AP1M1: variants seen among roughly 807,000 people sequenced by gnomAD.
AP1M1 encodes AP-1 complex subunit mu-1.
AP1M1 carries 18 observed loss-of-function variants against 57.1 expected under a neutral mutation model. The observed-to-expected ratio is 0.32, with a 90% CI of 0.22 to 0.47. The LOEUF (loss-of-function observed/expected upper bound fraction) is 0.47, where lower values mean the gene tolerates loss of function less well. AP1M1 is among the 20% of genes least tolerant of loss of function. The pLI, the probability that AP1M1 is intolerant of heterozygous loss-of-function variation, is 1.00. For missense variants in AP1M1, 362 were observed against 593.5 expected, an observed-to-expected ratio of 0.61 and a Z score of 4.05; for synonymous variants, 241 against 237.9, an observed-to-expected ratio of 1.01 and a Z score of -0.12.
rs1288081698 is a variant in AP1M1 at position 16,239,280 on chromosome 19, A to T, written c.*4845A>T. ...TTTTTTTTTTTTTTTTTTTTTTTTT[A>T]AGACTGCAAAGCTGGGCATGGTAGT... On this transcript the variant is annotated 3_prime_UTR_variant, in exon 12 of 12. Transcript: ENST00000291439. The T allele has an allele frequency of 1.7e-5, 1 of 58,998 alleles. No homozygotes were observed. Among genetic ancestry groups the T allele is most frequent in the African/African-American group, 7.9e-5 (1 of 12,722 alleles). The allele number at this position is 58,998 out of a possible 1,614,324, so 3.7% of individuals were successfully genotyped here. A position where few individuals can be genotyped will look rare whatever the true frequency, so the allele number is the denominator to read the frequency against.
chr19:16,205,027 G>T (rs1568347809), intron 2 of AP1M1, among the ~76,000 whole-genome samples: 1 of 152,042 alleles, frequency 6.6e-6, no homozygotes, highest in Non-Finnish European at 1.5e-5. Context: ...TAGAGACAGG[G>T]TTTCACCATG....
chr19:16,199,222 G>C (rs2091437448), intron 1 of AP1M1, among the ~76,000 whole-genome samples: 1 of 152,174 alleles, frequency 6.6e-6, no homozygotes, highest in South Asian at 2.1e-4. Context: ...GTGTTATACA[G>C]ACAGTCAGCC....
At chr19:16,221,940 C>G (rs1475211331) in intron 5 of AP1M1, among the ~76,000 whole-genome samples, 3 of 152,182 alleles carry the variant, frequency 2.0e-5, no homozygotes, top group Non-Finnish European at 2.9e-5. Context: ...CCTGCCTCAG[C>G]CTCCCAAAGT....
chr19:16,218,296 G>A lies in AP1M1; in HGVS notation c.547-8125G>A, dbSNP rs116184601. Among the ~76,000 whole-genome samples, 904 of 152,274 alleles carry A rather than the reference G, an allele frequency of 5.9e-3. 18 individuals carry two copies. Among genetic ancestry groups the A allele is most frequent in the African/African-American group, 0.02 (830 of 41,554 alleles). The stretch of plus-strand genomic sequence containing the variant: ...CCTGGCTGAAACCAAGAACCCTCCC[G>A]GGCTGTCTCAGTTTTGGGGCTCGCC... On this transcript the variant is annotated intron_variant, in intron 5 of 11. Transcript: ENST00000291439.
In AP1M1 at chr19:16,228,899, G is replaced by A. The variant is rs1237111697; in HGVS notation, c.1018G>A (p.Glu340Lys). The A allele has an allele frequency of 2.5e-6, 4 of 1,614,130 alleles. No homozygotes were observed. The highest frequency in any genetic ancestry group is 2.2e-5 in the East Asian group (1 of 44,862). Residue 340 changes from glutamate to lysine, a missense_variant, in exon 9 of 12, where the codon GAG becomes AAG. Coordinates refer to ENST00000291439, the MANE Select transcript of AP1M1 (RefSeq NM_032493.4). This position sits in a 1 kb window ranked among gnomAD's most constrained non-coding sequence, Gnocchi z 5.0. Reference protein sequence around the residue: ...GSVKWVPENSEIVWSIKSFPG... With the variant: ...GSVKWVPENSKIVWSIKSFPG... ...CGTTAAGTGGGTCCCCGAGAACAGC[G>A]AGATCGTGTGGTCCATCAAGTCCTT... is the stretch of plus-strand genomic sequence containing the variant.
chr19:16,206,529 G>A lies in AP1M1; in HGVS notation c.267+121G>A. 9.9e-7 allele frequency: 1 copy of A among 1,012,180 alleles called. No individual in the cohort carries two copies. The highest frequency in any genetic ancestry group is 1.5e-6 in the Non-Finnish European group (1 of 667,330). 62.7% of individuals were successfully genotyped at this position (1,012,180 alleles called of 1,614,324 possible). A position where few individuals can be genotyped will look rare whatever the true frequency, so the allele number is the denominator to read the frequency against. ...GGCATCCCCAGGGAGCACTGGGGCT[G>A]GAAGCCCAGGAAGTGGGAAAGGGGA... is the stretch of plus-strand genomic sequence containing the variant. On this transcript the variant is annotated intron_variant, in intron 3 of 11. Coordinates refer to ENST00000291439, the MANE Select transcript of AP1M1 (RefSeq NM_032493.4). This position sits in a 1 kb window ranked among gnomAD's most constrained non-coding sequence, Gnocchi z 4.3.
At chr19:16,231,260 C>A (rs544401040) in intron 9 of AP1M1, among the ~76,000 whole-genome samples, 73 of 143,678 alleles carry the variant, frequency 5.1e-4, no homozygotes, top group African/African-American at 1.9e-3. Context: ...TGCACTCCAG[C>A]CTGGGCAACA....
In AP1M1 at chr19:16,202,335, A is replaced by G. The variant is rs374481613; in HGVS notation, c.43-1124A>G. Among the ~76,000 whole-genome samples the G allele has an allele frequency of 1.2e-4, 18 of 152,210 alleles. No homozygotes were observed. In the East Asian group the frequency reaches 3.1e-3, roughly 26 times the overall value. On this transcript the variant is annotated intron_variant, in intron 1 of 11. Coordinates refer to ENST00000291439, the MANE Select transcript of AP1M1 (RefSeq NM_032493.4). ...GCAGCTGCTCCAGGCAGCATCTCCA[A>G]CCGCAGCCATGCCCAGGCTAGCAAA... is the stretch of plus-strand genomic sequence containing the variant.
intron 5 of AP1M1, among the ~76,000 whole-genome samples, chr19:16,225,829 T>C (rs2091568661): frequency 6.6e-6 from 1 of 151,860 alleles, no homozygotes; most frequent in South Asian, 2.1e-4. Context: ...TCATAAGCCC[T>C]GGGGGGTGAG....
Position 16,237,571 on chromosome 19 carries a change from A to G in AP1M1, c.*3136A>G, listed in dbSNP as rs1469708812. ...AACATGGCGAGACCCCATCTCTACT[A>G]AAAATACCAAAATTAGCCAGGCATG... On this transcript the variant is annotated 3_prime_UTR_variant, in exon 12 of 12. Coordinates refer to ENST00000291439, the MANE Select transcript of AP1M1 (RefSeq NM_032493.4). 1.3e-5 allele frequency: 2 copies of G among 151,860 alleles called. No individual in the cohort carries two copies. Among genetic ancestry groups the G allele is most frequent in the Non-Finnish European group, 1.5e-5 (1 of 67,978 alleles). The allele number at this position is 151,860 out of a possible 1,614,324, so 9.4% of individuals were successfully genotyped here.
intron 10 of AP1M1, 32 bp from the exon 11 acceptor site, chr19:16,234,167 C>T (rs777765779): frequency 2.4e-5 from 38 of 1,596,460 alleles, no homozygotes; most frequent in Admixed American, 5.2e-5. Context: ...CGGGAGCCTG[C>T]GGTGCTCAGG....
At chr19:16,233,357 C>G in intron 9 of AP1M1, 136 bp from the exon 10 acceptor site, 3 of 1,317,630 alleles carry the variant, frequency 2.3e-6, no homozygotes, top group Non-Finnish European at 3.0e-6. Flanking sequence ...GCTTTGGCTC[C>G]CCAGCACAGG....
In AP1M1 at chr19:16,208,091, C is replaced by G; in HGVS notation, c.340C>G (p.Leu114Val). ...RDNFVIIYEL[L>V]DELMDFGYPQ... ...CAACTTTGTTATCATCTACGAGCTG[C>G]TGGACGAGCTCATGGACTTCGGCTA... The change falls in exon 4 of 12, where the codon CTG becomes GTG. Residue 114 changes from leucine (L) to valine (V), a missense_variant. Leu to Val is a conservative substitution (Grantham distance 32). Transcript: ENST00000291439. The G allele has an allele frequency of 6.2e-7, 1 of 1,613,956 alleles. No individual in the cohort carries two copies. The highest frequency in any genetic ancestry group is 8.5e-7 in the Non-Finnish European group (1 of 1,179,928).
intron 5 of AP1M1, among the ~76,000 whole-genome samples, chr19:16,222,953 C>T (rs1189335554): frequency 2.0e-5 from 3 of 152,040 alleles, no homozygotes; most frequent in Non-Finnish European, 4.4e-5. Context: ...TCAGATAATC[C>T]CAACATCTGT....
chr19:16,216,384 G>A (rs561009359), intron 5 of AP1M1, among the ~76,000 whole-genome samples: 1 of 151,982 alleles, frequency 6.6e-6, no homozygotes, highest in Admixed American at 6.6e-5. Flanking sequence ...GGCGGAGCTT[G>A]CAGTGAGCCG....
rs571457066 is a variant in AP1M1 at position 16,203,453 on chromosome 19, C to T, written c.43-6C>T. On this transcript the variant is annotated splice_region_variant and splice_polypyrimidine_tract_variant and intron_variant, in intron 1 of 11. Coordinates refer to ENST00000291439, the MANE Select transcript of AP1M1 (RefSeq NM_032493.4). This position sits in a 1 kb window ranked among gnomAD's most constrained non-coding sequence, Gnocchi z 4.6. ...AAGCATCTTTTCTCTTCCTTCCCCA[C>T]CCCAGGTGCTCATCTGCCGGAACTA... is the stretch of plus-strand genomic sequence containing the variant. 63 of 1,614,184 alleles carry T rather than the reference C, an allele frequency of 3.9e-5. 1 individual carries two copies. The South Asian group carries it at 5.3e-4, about 14-fold the overall frequency.
At chr19:16,233,415 C>T in intron 9 of AP1M1, 78 bp from the exon 10 acceptor site, 1 of 1,456,736 alleles carries the variant, frequency 6.9e-7, no homozygotes, top group Non-Finnish European at 9.1e-7. Context: ...AGTCTCTGCC[C>T]ATCGCCACTA....
chr19:16,230,960 A>G (rs970543013), intron 9 of AP1M1, among the ~76,000 whole-genome samples: 2 of 152,094 alleles, frequency 1.3e-5, no homozygotes, highest in African/African-American at 4.8e-5. Flanking sequence ...AACACACCCT[A>G]AGGACAAAAG....
intron 2 of AP1M1, among the ~76,000 whole-genome samples, chr19:16,204,847 T>TC (rs1168512419): frequency 6.6e-6 from 1 of 151,326 alleles, no homozygotes; most frequent in East Asian, 1.9e-4. Context: ...TTTTTTTTTT[T>TC]TGAGACAGAG....
Sources: gnomAD v4.1 joint callset for allele counts (sites outside exome capture counted in the v4.1 genomes callset) on GRCh38, gnomAD v4.1.1 for gene constraint, Gnocchi (gnomAD v3.1) non-coding constraint, MANE v1.5 for transcripts, NCBI Gene and HGNC (gene_info 2026-07-23, HGNC 2026-07-21) for gene names.